ZCCHC14: variants seen among roughly 807,000 people sequenced by gnomAD.
The protein encoded by ZCCHC14 is zinc finger CCHC-type containing 14.
A neutral mutation model predicts 85.0 loss-of-function variants in ZCCHC14; 16 were observed. The ratio of observed to expected loss-of-function variants is 0.19; its 90% CI spans 0.13 to 0.29. The LOEUF (loss-of-function observed/expected upper bound fraction) is 0.29, where lower values mean the gene tolerates loss of function less well. ZCCHC14 is among the 10% of genes least tolerant of loss of function. The pLI is 1.00. For synonymous variants in ZCCHC14, 775 were observed against 630.7 expected, an observed-to-expected ratio of 1.23 and a Z score of -3.43; for missense variants, 1,303 against 1,443.5, an observed-to-expected ratio of 0.90 and a Z score of 1.58.
intron 1 of ZCCHC14, among the ~76,000 whole-genome samples, chr16:87,477,806 C>G (rs1010081919): frequency 4.6e-5 from 7 of 151,322 alleles, no homozygotes; most frequent in African/African-American, 1.5e-4. Context: ...CCGCACACAC[C>G]TGGGGAACAC....
At chr16:87,478,980 C>A (rs926365855) in intron 1 of ZCCHC14, among the ~76,000 whole-genome samples, 7 of 152,196 alleles carry the variant, frequency 4.6e-5, no homozygotes, top group Admixed American at 6.5e-5. Flanking sequence ...ATGCCCAAAA[C>A]AGAGTAGGGG....
At position 87,408,889 on chromosome 16, in the gene ZCCHC14, T is replaced by C. The variant is rs1908316229; in HGVS notation, c.*1391A>G. On this transcript the variant is annotated 3_prime_UTR_variant, in exon 13 of 13. Transcript: ENST00000671377. ...CAACTGCAAAATCCCAACTGCAAGA[T>C]TTTACCAATCAGTATTTTAACATTG... is the stretch of plus-strand genomic sequence containing the variant. 1 of 152,654 alleles carries C rather than the reference T, an allele frequency of 6.6e-6. No homozygotes were observed. The highest frequency in any genetic ancestry group is 6.5e-5 in the Admixed American group (1 of 15,278). The allele number at this position is 152,654 out of a possible 1,614,324, so 9.5% of individuals were successfully genotyped here.
At chr16:87,459,874 G>A in intron 2 of ZCCHC14, 134 bp downstream of exon 2, 8 of 1,392,518 alleles carry the variant, frequency 5.7e-6, no homozygotes, top group Non-Finnish European at 7.8e-6. Context: ...ATTGCTTATA[G>A]AATTTAGAAA....
At chr16:87,429,522 G>A (rs575298904) in intron 3 of ZCCHC14, among the ~76,000 whole-genome samples, 2 of 152,234 alleles carry the variant, frequency 1.3e-5, no homozygotes, top group Admixed American at 6.5e-5. Flanking sequence ...TGGGCATGGC[G>A]GCTCATGCCA....
Position 87,414,463 on chromosome 16 carries a change from G to A in ZCCHC14, c.1554C>T (p.Pro518=). The A allele has an allele frequency of 1.2e-6, 2 of 1,613,210 alleles. No homozygotes were observed. Among genetic ancestry groups the A allele is most frequent in the Non-Finnish European group, 8.5e-7 (1 of 1,179,962 alleles). The part of the protein sequence containing the change: ...VTSSGVARVP[P]TSHVGPVQSG... ...ACTGCACGGGCCCGACGTGGCTGGT[G>A]GGGGGCACTCGAGCCACACCACTGC... Residue 518 remains proline, a synonymous_variant, in exon 10 of 13, where the codon CCC becomes CCT. Coordinates refer to ENST00000671377, the MANE Select transcript of ZCCHC14 (RefSeq NM_015144.3).
intron 1 of ZCCHC14, among the ~76,000 whole-genome samples, chr16:87,481,530 G>GGT (rs1597454154): frequency 3.2e-4 from 8 of 25,174 alleles, no homozygotes; most frequent in Non-Finnish European, 3.3e-4. Context: ...GAGAAACGGG[G>GGT]GGGGGGGGGG....
intron 12 of ZCCHC14, among the ~76,000 whole-genome samples, chr16:87,410,978 C>G (rs1320271379): frequency 2.0e-5 from 3 of 152,226 alleles, no homozygotes; most frequent in Non-Finnish European, 2.9e-5. Flanking sequence ...AAGAAGAACC[C>G]TATTACAACT....
intron 1 of ZCCHC14, among the ~76,000 whole-genome samples, chr16:87,479,527 C>G (rs1302939303): frequency 6.6e-6 from 1 of 152,038 alleles, no homozygotes; most frequent in African/African-American, 2.4e-5. Flanking sequence ...ATGCTCCCTT[C>G]TAAAGAGTTA....
chr16:87,445,070 C>CT (rs56137815), intron 2 of ZCCHC14, among the ~76,000 whole-genome samples: 5,435 of 140,518 alleles, frequency 0.039, 339 homozygotes, highest in African/African-American at 0.13. Flanking sequence ...TCAAAATAAA[C>CT]TTTTTTTTTT....
intron 2 of ZCCHC14, among the ~76,000 whole-genome samples, chr16:87,448,397 G>T (rs59520624): frequency 2.6e-5 from 4 of 152,072 alleles, no homozygotes; most frequent in African/African-American, 9.7e-5. Context: ...ACAACAATGC[G>T]TCTCGACATG....
At chr16:87,455,668 C>A (rs1210670538) in intron 2 of ZCCHC14, among the ~76,000 whole-genome samples, 1 of 152,180 alleles carries the variant, frequency 6.6e-6, no homozygotes, top group African/African-American at 2.4e-5. Flanking sequence ...CTACAGGCAA[C>A]CAGCTTAAAA....
Position 87,412,768 on chromosome 16 carries a change from G to C in ZCCHC14, c.1953C>G (p.His651Gln), listed in dbSNP as rs749654656. ...ITPIRMLNSV[H>Q]KPERGSADMK... The stretch of plus-strand genomic sequence containing the variant: ...TGTCCGCGCTCCCTCTTTCCGGCTT[G>C]TGCACGGAATTCAGCATGCGGATGG... Residue 651 changes from histidine to glutamine, a missense_variant, in exon 12 of 13, where the codon CAC becomes CAG. By Grantham distance (24) the His-to-Gln change is conservative (BLOSUM62 0). Around this residue, in one of 7 missense-constraint regions of ZCCHC14, gnomAD observed 797 missense variants for 730.8 expected, o/e 1.09. Coordinates refer to ENST00000671377, the MANE Select transcript of ZCCHC14 (RefSeq NM_015144.3). 8.1e-6 allele frequency: 13 copies of C among 1,614,114 alleles called. No homozygotes were observed. The highest frequency in any genetic ancestry group is 6.7e-5 in the East Asian group (3 of 44,884).
intron 1 of ZCCHC14, among the ~76,000 whole-genome samples, chr16:87,482,487 G>A (rs1006973383): frequency 3.3e-5 from 5 of 152,184 alleles, no homozygotes; most frequent in South Asian, 2.1e-4. Flanking sequence ...GCCACCATCC[G>A]GGGCAGGCGC....
chr16:87,422,261 G>A (rs1238342874), intron 4 of ZCCHC14, among the ~76,000 whole-genome samples: 1 of 152,142 alleles, frequency 6.6e-6, no homozygotes. Flanking sequence ...GAGGGGATCG[G>A]CTGGTGTGGA....
At chr16:87,440,686 A>C (rs1447489837) in intron 2 of ZCCHC14, among the ~76,000 whole-genome samples, 1 of 151,326 alleles carries the variant, frequency 6.6e-6, no homozygotes, top group East Asian at 2.0e-4. Flanking sequence ...GGCTCACTGC[A>C]GCCTCGACCT....
chr16:87,482,764 G>C (rs1333731926), intron 1 of ZCCHC14, among the ~76,000 whole-genome samples: 1 of 152,118 alleles, frequency 6.6e-6, no homozygotes, highest in Non-Finnish European at 1.5e-5. Flanking sequence ...GATGGCACTG[G>C]GACAAATGGG....
At chr16:87,449,412 G>T (rs1427010353) in intron 2 of ZCCHC14, among the ~76,000 whole-genome samples, 1 of 151,962 alleles carries the variant, frequency 6.6e-6, no homozygotes, top group Admixed American at 6.5e-5. Flanking sequence ...ATGGTTCCTG[G>T]GCTCCTAGGC....
At chr16:87,431,229 T>C (rs543779708) in intron 3 of ZCCHC14, among the ~76,000 whole-genome samples, 1 of 151,902 alleles carries the variant, frequency 6.6e-6, no homozygotes, top group African/African-American at 2.4e-5. Context: ...ATCCCAGCAC[T>C]TTGGGAGGCC....
At chr16:87,485,590 CAAAAA>C (rs35083614) in intron 1 of ZCCHC14, among the ~76,000 whole-genome samples, 4 of 98,656 alleles carry the variant, frequency 4.1e-5, no homozygotes, top group African/African-American at 6.3e-5. Context: ...GGCAGTTTTC[CAAAAA>C]AAAAAAAAAA....
Sources: gnomAD v4.1 joint callset for allele counts (sites outside exome capture counted in the v4.1 genomes callset) on GRCh38, gnomAD v4.1.1 for gene constraint, gnomAD v4.1.1 regional missense constraint, MANE v1.5 for transcripts, NCBI Gene and HGNC (gene_info 2026-07-23, HGNC 2026-07-21) for gene names.